The following ZFYVE27 variants were observed in gnomAD, a reference collection of about 807,000 sequenced individuals.
ZFYVE27 encodes the protein zinc finger FYVE-type containing 27, also known as protrudin.
In ZFYVE27, 36 loss-of-function variants were observed where a neutral mutation model predicts 52.8. That is an observed-to-expected ratio of 0.68 (90% CI 0.52 to 0.90). The LOEUF is 0.90. ZFYVE27 is among the 40% of genes least tolerant of loss of function. The pLI is 0.00. For synonymous variants in ZFYVE27, 223 were observed against 215.6 expected, an observed-to-expected ratio of 1.03 and a Z score of -0.30; for missense variants, 450 against 527.2, an observed-to-expected ratio of 0.85 and a Z score of 1.43.
At chr10:97,750,267 C>T in intron 6 of ZFYVE27, 64 bp from the exon 7 acceptor site, 2 of 1,601,040 alleles carry the variant, frequency 1.2e-6, no homozygotes, top group Admixed American at 3.3e-5. Context: ...AAGTGGGTAC[C>T]CCTAAAGTGC....
intron 7 of ZFYVE27, 109 bp downstream of exon 7, chr10:97,750,579 C>T: frequency 6.9e-7 from 1 of 1,453,716 alleles, no homozygotes; most frequent in Non-Finnish European, 9.4e-7. Context: ...CTGCTATTTC[C>T]CAGGCCTTAA....
intron 7 of ZFYVE27, 144 bp downstream of exon 7, chr10:97,750,614 T>G: frequency 8.9e-7 from 1 of 1,123,588 alleles, no homozygotes; most frequent in Non-Finnish European, 1.3e-6. Context: ...TCAATAATAA[T>G]AATTGTAATA....
intron 2 of ZFYVE27, among the ~76,000 whole-genome samples, chr10:97,742,134 GAA>G (rs796122082): frequency 0.047 from 3,557 of 75,216 alleles, 144 homozygotes; most frequent in African/African-American, 0.13. Flanking sequence ...TGTCTCAAAA[GAA>G]AAAAAAAAAA....
rs530366044 is a variant in ZFYVE27, at chr10:97,743,285, G to A, written c.268+121G>A. On this transcript the variant is annotated intron_variant, in intron 3 of 12. Coordinates refer to ENST00000684270, the MANE Select transcript of ZFYVE27 (RefSeq NM_001385875.1). ...GTTGCCCTGGAGTTAGTGTTCCTCT[G>A]TGTCTGCTTGGAGTCAGAAACAGCC... 18 of 1,187,258 alleles carry A rather than the reference G, an allele frequency of 1.5e-5. No individual in the cohort carries two copies. In the African/African-American group the frequency reaches 1.9e-4, roughly 13 times the overall value. 73.5% of individuals were successfully genotyped at this position (1,187,258 alleles called of 1,614,324 possible).
rs78805348 is a variant in ZFYVE27 at position 97,749,797 on chromosome 10, C to G, written c.664+211C>G. 5.6e-3 allele frequency among the ~76,000 whole-genome samples: 848 copies of G among 152,318 alleles called. 9 individuals are homozygous for G. The highest frequency in any genetic ancestry group is 0.02 in the African/African-American group (824 of 41,568). ...CAGGGGAGGCTGCTACCATTGGGCT[C>G]CCATCTCCCTTCGCTCCCTTCCCAA... On this transcript the variant is annotated intron_variant, in intron 6 of 12. Coordinates refer to ENST00000684270, the MANE Select transcript of ZFYVE27 (RefSeq NM_001385875.1).
intron 2 of ZFYVE27, among the ~76,000 whole-genome samples, chr10:97,741,081 T>A (rs1479289099): frequency 6.6e-6 from 1 of 152,208 alleles, no homozygotes; most frequent in Non-Finnish European, 1.5e-5. Context: ...TGTGTTGAAT[T>A]TCAGGAGAAA....
chr10:97,757,359 T>C, intron 11 of ZFYVE27, 48 bp downstream of exon 11: 1 of 1,613,502 alleles, frequency 6.2e-7, no homozygotes, highest in Non-Finnish European at 8.5e-7. Context: ...TCCTTGGGAC[T>C]GTCGGGTGGG....
intron 2 of ZFYVE27, 54 bp from the exon 3 acceptor site, chr10:97,743,040 C>T: frequency 1.3e-6 from 2 of 1,598,448 alleles, no homozygotes; most frequent in South Asian, 1.1e-5. Context: ...CTGGTCTCCC[C>T]TCCCCAGCTG....
intron 4 of ZFYVE27, among the ~76,000 whole-genome samples, chr10:97,746,511 A>G (rs1371893731): frequency 6.6e-6 from 1 of 152,220 alleles, no homozygotes; most frequent in East Asian, 1.9e-4. Context: ...TGCAAACGTG[A>G]CTTAATACTT....
chr10:97,753,841 A>G (rs1262562910), intron 10 of ZFYVE27, among the ~76,000 whole-genome samples: 2 of 152,156 alleles, frequency 1.3e-5, no homozygotes, highest in African/African-American at 2.4e-5. Flanking sequence ...GTTTCTCTGG[A>G]CGTGATAGAG....
At chr10:97,755,906 A>C (rs7896123) in intron 10 of ZFYVE27, among the ~76,000 whole-genome samples, 1,537 of 152,134 alleles carry the variant, frequency 0.01, 27 homozygotes, top group African/African-American at 0.035. Flanking sequence ...GCTGTTGCTG[A>C]GAAGGGGCAG....
intron 4 of ZFYVE27, among the ~76,000 whole-genome samples, chr10:97,745,182 C>CT (rs386372198): frequency 8.1e-4 from 120 of 148,378 alleles, no homozygotes; most frequent in South Asian, 1.7e-3. Context: ...TTCTTTCTTT[C>CT]TTTTTTTTTT....
rs199749530 is a variant in ZFYVE27 at position 97,739,784 on chromosome 10, C to CT, written c.197+1113dup. On this transcript the variant is annotated intron_variant, in intron 2 of 12. Coordinates refer to ENST00000684270, the MANE Select transcript of ZFYVE27 (RefSeq NM_001385875.1). ...GCTGAAGAGACTGAGCCTGAACTGA[C>CT]TTTCCTGGAGAATTTACTACCGAGA... is the stretch of plus-strand genomic sequence containing the variant. 4.0e-3 allele frequency among the ~76,000 whole-genome samples: 615 copies of CT among 152,050 alleles called. 4 individuals are homozygous for CT. Among genetic ancestry groups the CT allele is most frequent in the African/African-American group, 0.014 (578 of 41,494 alleles).
chr10:97,748,521 G>C (rs1394792484), intron 5 of ZFYVE27, among the ~76,000 whole-genome samples, 157 bp downstream of exon 5: 2 of 152,184 alleles, frequency 1.3e-5, no homozygotes, highest in Non-Finnish European at 2.9e-5. Context: ...ATGCTTGCGG[G>C]CTCTAATGTA....
chr10:97,755,819 C>T (rs1478630190), intron 10 of ZFYVE27, among the ~76,000 whole-genome samples: 1 of 152,168 alleles, frequency 6.6e-6, no homozygotes, highest in African/African-American at 2.4e-5. Context: ...CCTGGCAGGC[C>T]CCACTGGGCC....
At chr10:97,748,596 T>C (rs1346108739) in intron 5 of ZFYVE27, among the ~76,000 whole-genome samples, 1 of 152,240 alleles carries the variant, frequency 6.6e-6, no homozygotes, top group Non-Finnish European at 1.5e-5. Context: ...TAACTCACCA[T>C]ATAATCCACC....
At chr10:97,745,992 C>G (rs2045229095) in intron 4 of ZFYVE27, among the ~76,000 whole-genome samples, 5 of 147,274 alleles carry the variant, frequency 3.4e-5, no homozygotes, top group Non-Finnish European at 7.5e-5. Context: ...TTAAAAAAGA[C>G]TTTCTTACTT....
intron 10 of ZFYVE27, among the ~76,000 whole-genome samples, chr10:97,755,239 C>T (rs72835982): frequency 2.1e-3 from 313 of 152,350 alleles, no homozygotes; most frequent in Admixed American, 5.4e-3. Flanking sequence ...AAGCTCTTTG[C>T]CATGAGGGCA....
chr10:97,756,416 T>C (rs1314052021), intron 10 of ZFYVE27, among the ~76,000 whole-genome samples: 1 of 152,210 alleles, frequency 6.6e-6, no homozygotes, highest in Non-Finnish European at 1.5e-5. Context: ...GGACCACATG[T>C]AGCCGTCAAT....
Sources: gnomAD v4.1 joint callset for allele counts (sites outside exome capture counted in the v4.1 genomes callset) on GRCh38, gnomAD v4.1.1 for gene constraint, MANE v1.5 for transcripts, NCBI Gene and HGNC (gene_info 2026-07-23, HGNC 2026-07-21) for gene names.